Variants in LPP observed in about 807,000 individuals in gnomAD.
The protein encoded by LPP is LIM domain containing preferred translocation partner in lipoma.
A neutral mutation model predicts 60.4 loss-of-function variants in LPP; 38 were observed. The ratio of observed to expected loss-of-function variants is 0.63; its 90% CI spans 0.49 to 0.83. LPP has a LOEUF of 0.83. LPP is among the 40% of genes least tolerant of loss of function. The pLI is 0.00. For synonymous variants in LPP, 328 were observed against 290.8 expected, an observed-to-expected ratio of 1.13 and a Z score of -1.30; for missense variants, 902 against 783.6, an observed-to-expected ratio of 1.15 and a Z score of -1.80.
chr3:188,524,735 G>T lies in LPP; in HGVS notation c.377G>T (p.Ser126Ile). The T allele has an allele frequency of 6.2e-7, 1 of 1,614,130 alleles. No individual in the cohort carries two copies. Among genetic ancestry groups the T allele is most frequent in the Middle Eastern group, 1.7e-4 (1 of 6,058 alleles). The change falls in exon 6 of 12, where the codon AGC becomes ATC. Residue 126 changes from serine (S) to isoleucine (I), a missense_variant. Transcript: ENST00000617246. Reference protein sequence around the residue: ...SLDAEIDSLTSILADLECSSP... With the variant: ...SLDAEIDSLTIILADLECSSP... ...GACGCTGAGATTGACTCCTTGACCA[G>T]CATCTTGGCTGACCTTGAGTGCAGC...
intron 3 of LPP, among the ~76,000 whole-genome samples, chr3:188,346,251 CTTTTT>C (rs1050679907): frequency 1.8e-4 from 16 of 88,336 alleles, no homozygotes; most frequent in African/African-American, 6.3e-4. Flanking sequence ...AGTAGCAAAT[CTTTTT>C]TTTTTTTTTT....
At chr3:188,815,596 C>T (rs1322496916) in intron 9 of LPP, among the ~76,000 whole-genome samples, 1 of 151,328 alleles carries the variant, frequency 6.6e-6, no homozygotes, top group Non-Finnish European at 1.5e-5. Flanking sequence ...TAGGCAAGAA[C>T]TCCACAATGG....
At chr3:188,826,510 T>C (rs1309903655) in intron 9 of LPP, among the ~76,000 whole-genome samples, 2 of 152,186 alleles carry the variant, frequency 1.3e-5, no homozygotes, top group Non-Finnish European at 2.9e-5. Flanking sequence ...GATATCTAGA[T>C]ATCTTAGATT....
intron 4 of LPP, among the ~76,000 whole-genome samples, chr3:188,447,650 A>G (rs1795568142): frequency 6.6e-6 from 1 of 151,024 alleles, no homozygotes; most frequent in Non-Finnish European, 1.5e-5. Context: ...TCATGGTGGC[A>G]TGTAATCCCA....
rs142779603 is a variant in LPP at position 188,628,488 on chromosome 3, A to T, written c.1113+18644A>T. ...ATGAACAGCACTGCAGACATACATT[A>T]GAAAACCTAGAAGAAATGAATAAAT... On this transcript the variant is annotated intron_variant, in intron 7 of 11. Coordinates refer to ENST00000617246, the MANE Select transcript of LPP (RefSeq NM_001375462.1). 7.3e-3 allele frequency among the ~76,000 whole-genome samples: 1,107 copies of T among 152,246 alleles called. 10 individuals carry two copies. Among genetic ancestry groups the T allele is most frequent in the African/African-American group, 0.024 (1,018 of 41,556 alleles).
chr3:188,630,093 G>C (rs573535624), intron 7 of LPP, among the ~76,000 whole-genome samples: 1 of 152,084 alleles, frequency 6.6e-6, no homozygotes, highest in Non-Finnish European at 1.5e-5. Flanking sequence ...GTCTCCGAAA[G>C]CAATTGCAAC....
intron 1 of LPP, among the ~76,000 whole-genome samples, chr3:188,211,007 G>A (rs931850218): frequency 6.6e-6 from 1 of 152,086 alleles, no homozygotes; most frequent in East Asian, 1.9e-4. Flanking sequence ...TTATATTTGT[G>A]TTCCTTCATT....
In LPP at chr3:188,781,209, A is replaced by G. The variant is rs547373230; in HGVS notation, c.1410+20927A>G. On this transcript the variant is annotated intron_variant, in intron 9 of 11. Coordinates refer to ENST00000617246, the MANE Select transcript of LPP (RefSeq NM_001375462.1). ...AACAGTGGCTAGTGCCATAAGTAGG[A>G]CTTAACCTTTAGCAATATGTACTAC... 1.1e-4 allele frequency among the ~76,000 whole-genome samples: 17 copies of G among 152,348 alleles called. No homozygotes were observed. In the South Asian group the frequency reaches 3.5e-3, roughly 32 times the overall value.
chr3:188,265,500 G>A (rs973992630), intron 2 of LPP, among the ~76,000 whole-genome samples: 1 of 152,208 alleles, frequency 6.6e-6, no homozygotes, highest in African/African-American at 2.4e-5. Context: ...AACAATACTT[G>A]GAGACAAGCT....
chr3:188,355,070 G>A (rs925466470), intron 3 of LPP, among the ~76,000 whole-genome samples: 17 of 152,112 alleles, frequency 1.1e-4, no homozygotes, highest in East Asian at 5.8e-4. Flanking sequence ...GTGCAGTGGC[G>A]TGATCTCAGC....
At position 188,609,780 on chromosome 3, in the gene LPP, G is replaced by T. The variant is rs776842166; in HGVS notation, c.1049G>T (p.Gly350Val). ...QNPPGMYPVT[G>V]PKKTYITDPV... ...CCTCCTGGGATGTATCCAGTCACTG[G>T]TCCCAAGAAGACCTATATCACAGAT... The change falls in exon 7 of 12, where the codon GGT (glycine) becomes GTT (valine). Residue 350 changes from glycine to valine, a missense_variant. Gly to Val is a moderately radical substitution (Grantham distance 109). Coordinates refer to ENST00000617246, the MANE Select transcript of LPP (RefSeq NM_001375462.1). The surrounding 1 kb of genome is among the most constrained non-coding windows in gnomAD (Gnocchi z 6.9). 6.2e-7 allele frequency: 1 copy of T among 1,613,988 alleles called. No homozygotes were observed. The highest frequency in any genetic ancestry group is 1.1e-5 in the South Asian group (1 of 91,072).
chr3:188,162,626 C>T (rs1448374863), intron 1 of LPP, among the ~76,000 whole-genome samples: 1 of 152,028 alleles, frequency 6.6e-6, no homozygotes, highest in African/African-American at 2.4e-5. Context: ...TAACCACAAG[C>T]CCTGTGATCT....
chr3:188,386,137 G>A (rs1778202425), intron 3 of LPP, among the ~76,000 whole-genome samples: 1 of 151,914 alleles, frequency 6.6e-6, no homozygotes, highest in South Asian at 2.1e-4. Context: ...GAAAACCCAA[G>A]GAATTAGGAA....
At position 188,346,861 on chromosome 3, in the gene LPP, T is replaced by A. The variant is rs140800390; in HGVS notation, c.-10+5142T>A. On this transcript the variant is annotated intron_variant, in intron 3 of 11. Coordinates refer to ENST00000617246, the MANE Select transcript of LPP (RefSeq NM_001375462.1). ...GTTGGATTTTCCCCGTAGTCACCTA[T>A]TGTTATACTCTGAGTGTTAGGCTCG... Among the ~76,000 whole-genome samples the A allele has an allele frequency of 3.3e-3, 510 of 152,312 alleles. 1 individual carries two copies. Among genetic ancestry groups the A allele is most frequent in the Non-Finnish European group, 3.8e-3 (259 of 68,028 alleles).
At chr3:188,770,953 TGCTCA>T (rs988280893) in intron 9 of LPP, among the ~76,000 whole-genome samples, 9 of 152,222 alleles carry the variant, frequency 5.9e-5, no homozygotes, top group African/African-American at 2.2e-4. Flanking sequence ...AACATTAGCG[TGCTCA>T]GCTCCAGGAT....
intron 7 of LPP, among the ~76,000 whole-genome samples, chr3:188,621,374 T>C (rs554254759): frequency 4.6e-5 from 7 of 152,242 alleles, no homozygotes; most frequent in African/African-American, 1.4e-4. Context: ...TTTATGTCCA[T>C]GTGTGCTCAG....
intron 2 of LPP, among the ~76,000 whole-genome samples, chr3:188,311,886 G>A (rs1397498235): frequency 2.6e-5 from 4 of 152,000 alleles, no homozygotes; most frequent in African/African-American, 7.3e-5. Context: ...TGATTCTCCT[G>A]CCTCGACTTC....
intron 8 of LPP, among the ~76,000 whole-genome samples, chr3:188,713,319 T>G (rs1712373379): frequency 6.6e-6 from 1 of 152,124 alleles, no homozygotes; most frequent in South Asian, 2.1e-4. Context: ...AAAACACTAT[T>G]CTAGATTAAA....
intron 2 of LPP, among the ~76,000 whole-genome samples, chr3:188,256,317 G>A (rs1374762780): frequency 6.6e-6 from 1 of 152,094 alleles, no homozygotes; most frequent in Non-Finnish European, 1.5e-5. Flanking sequence ...ATTACAGTTT[G>A]TTAGCTAGAT....
Sources: allele counts gnomAD v4.1 joint callset (sites outside exome capture counted in the v4.1 genomes callset), GRCh38; gene constraint gnomAD v4.1.1; non-coding constraint Gnocchi (gnomAD v3.1); transcripts MANE v1.5; gene names NCBI Gene and HGNC (gene_info 2026-07-23, HGNC 2026-07-21).